The following BCAP29 variants were observed in gnomAD, a reference collection of about 807,000 sequenced individuals.
BCAP29 encodes the protein B cell receptor associated protein 29, also known as B-cell receptor-associated protein 29.
Under a neutral mutation model 31.8 loss-of-function variants are expected in BCAP29, and 34 were observed. That is an observed-to-expected ratio of 1.07 (90% CI 0.81 to 1.42). The LOEUF (loss-of-function observed/expected upper bound fraction) is 1.42, where lower values mean the gene tolerates loss of function less well. BCAP29 is among the 40% of genes most tolerant of loss of function. The pLI, the probability that BCAP29 is intolerant of heterozygous loss-of-function variation, is 0.00. For synonymous variants in BCAP29, 104 were observed against 91.3 expected, an observed-to-expected ratio of 1.14 and a Z score of -0.79; for missense variants, 314 against 269.2, an observed-to-expected ratio of 1.17 and a Z score of -1.16.
At chr7:107,613,467 T>A in intron 7 of BCAP29, 35 bp downstream of exon 7, 1 of 1,477,088 alleles carries the variant, frequency 6.8e-7, no homozygotes, top group Non-Finnish European at 9.4e-7. Flanking sequence ...ACCTAAATGT[T>A]TTGAAATAGT....
At position 107,618,497 on chromosome 7, in the gene BCAP29, T is replaced by C; in HGVS notation, c.*134T>C. ...TTTTAATGCCACACATAGGTTGTAT[T>C]GTAATGGCATTATCAAAATATTTGA... On this transcript the variant is annotated 3_prime_UTR_variant, in exon 8 of 8. Transcript: ENST00000005259. The C allele has an allele frequency of 6.2e-7, 1 of 1,612,174 alleles. No homozygotes were observed. The highest frequency in any genetic ancestry group is 8.5e-7 in the Non-Finnish European group (1 of 1,178,516).
chr7:107,618,158 C>T (rs1255246416), intron 7 of BCAP29, among the ~76,000 whole-genome samples, 170 bp from the exon 8 acceptor site: 2 of 152,052 alleles, frequency 1.3e-5, no homozygotes, highest in Non-Finnish European at 2.9e-5. Context: ...TAAGTAAAAA[C>T]CACAAATTTT....
Position 107,613,437 on chromosome 7 carries a change from G to T in BCAP29, c.690+5G>T. On this transcript the variant is annotated splice_donor_5th_base_variant and intron_variant, in intron 7 of 7. Transcript: ENST00000005259. ...AAAGAACACTCTGAACTTCAGGTGGGTGTGACATGCACTTTATGCACCTAA... is the reference window on the plus strand; with the variant it reads ...AAAGAACACTCTGAACTTCAGGTGGTTGTGACATGCACTTTATGCACCTAA... The T allele has an allele frequency of 2.5e-6, 4 of 1,587,124 alleles. No homozygotes were observed. The highest frequency in any genetic ancestry group is 3.5e-6 in the Non-Finnish European group (4 of 1,157,128).
intron 7 of BCAP29, among the ~76,000 whole-genome samples, chr7:107,617,480 A>AT (rs1452089595): frequency 6.6e-6 from 1 of 152,192 alleles, no homozygotes; most frequent in Non-Finnish European, 1.5e-5. Flanking sequence ...CTAAAAAAAA[A>AT]GAAAAACAGA....
intron 5 of BCAP29, among the ~76,000 whole-genome samples, chr7:107,599,459 G>A (rs1187458995): frequency 6.9e-6 from 1 of 145,726 alleles, no homozygotes; most frequent in Admixed American, 7.0e-5. Context: ...GGTCAGGGCT[G>A]AAGAGACTAT....
At chr7:107,611,017 T>C (rs1270241964) in intron 6 of BCAP29, among the ~76,000 whole-genome samples, 1 of 152,138 alleles carries the variant, frequency 6.6e-6, no homozygotes, top group African/African-American at 2.4e-5. Context: ...CCCAATAAAT[T>C]AGGCCTCTGA....
chr7:107,617,430 C>T (rs1452705786), intron 7 of BCAP29, among the ~76,000 whole-genome samples: 1 of 152,006 alleles, frequency 6.6e-6, no homozygotes, highest in African/African-American at 2.4e-5. Flanking sequence ...ACAGTCCCTT[C>T]AAAACATGTA....
At position 107,612,391 on chromosome 7, in the gene BCAP29, TTATATATATATATA is replaced by T. The variant is rs36213596; in HGVS notation, c.590-905_590-892del. Among the ~76,000 whole-genome samples, 191 of 30,868 alleles carry T rather than the reference TTATATATATATATA, an allele frequency of 6.2e-3. 3 individuals are homozygous for T. The highest frequency in any genetic ancestry group is 0.018 in the East Asian group (16 of 890). 20.3% of individuals were successfully genotyped at this position (30,868 alleles called of 152,430 possible). A position where few individuals can be genotyped will look rare whatever the true frequency, so the allele number is the denominator to read the frequency against. ...AGCACCTTCTTCACAATGTATTGTTTTATATATATATATATATATATATATATATATATATATAT... is the reference window on the plus strand; with the variant it reads ...AGCACCTTCTTCACAATGTATTGTTTTATATATATATATATATATATATAT... On this transcript the variant is annotated intron_variant, in intron 6 of 7. Coordinates refer to ENST00000005259, the MANE Select transcript of BCAP29 (RefSeq NM_018844.4).
chr7:107,622,136 A>AT, downstream of BCAP29: 1 of 381,320 alleles, frequency 2.6e-6, no homozygotes, highest in South Asian at 2.2e-5. Context: ...CATCTCTCAC[A>AT]TGGACTATGA....
chr7:107,615,533 T>C (rs946337084), intron 7 of BCAP29: 34 of 315,070 alleles, frequency 1.1e-4, no homozygotes, highest in Non-Finnish European at 1.9e-4. Context: ...GAGGCAGAGG[T>C]TGCAGTGAGC....
chr7:107,617,672 T>C (rs1814435259), intron 7 of BCAP29, among the ~76,000 whole-genome samples: 1 of 152,118 alleles, frequency 6.6e-6, no homozygotes, highest in Admixed American at 6.5e-5. Flanking sequence ...TCTACTCTTG[T>C]CTTTTTATTT....
intron 3 of BCAP29, among the ~76,000 whole-genome samples, chr7:107,588,432 A>G (rs572956294): frequency 3.7e-4 from 57 of 152,212 alleles, no homozygotes; most frequent in Non-Finnish European, 5.7e-4. Context: ...AATTAAAACA[A>G]TTTTGTTAAA....
At chr7:107,599,307 T>TG (rs1424676538) in intron 5 of BCAP29, among the ~76,000 whole-genome samples, 2 of 38,272 alleles carry the variant, frequency 5.2e-5, no homozygotes. Flanking sequence ...TATATATAAA[T>TG]TTTATATATA....
chr7:107,599,148 A>C (rs1810473788), intron 5 of BCAP29, among the ~76,000 whole-genome samples: 1 of 124,560 alleles, frequency 8.0e-6, no homozygotes, highest in Non-Finnish European at 1.6e-5. Flanking sequence ...TATGTATATA[A>C]ATATATATTT....
At chr7:107,621,092 C>G (rs944281444), downstream of BCAP29, 3 of 152,778 alleles carry the variant, frequency 2.0e-5, no homozygotes, top group Non-Finnish European at 2.9e-5. Flanking sequence ...CATTCCCATT[C>G]CAGTGTCCAC....
At chr7:107,613,248 G>A in intron 6 of BCAP29, 84 bp from the exon 7 acceptor site, 1 of 910,932 alleles carries the variant, frequency 1.1e-6, no homozygotes, top group South Asian at 1.7e-5. Flanking sequence ...AGACTATACA[G>A]GAGTTCTCTA....
chr7:107,592,844 T>A (rs1809128321), intron 3 of BCAP29, among the ~76,000 whole-genome samples: 4 of 152,206 alleles, frequency 2.6e-5, no homozygotes, highest in Admixed American at 2.6e-4. Context: ...GAGCAGATAG[T>A]ATATGATTCA....
At chr7:107,611,637 G>A (rs777439613) in intron 6 of BCAP29, among the ~76,000 whole-genome samples, 7 of 152,112 alleles carry the variant, frequency 4.6e-5, no homozygotes, top group East Asian at 3.9e-4. Context: ...GAAAACTAAC[G>A]TATAACTCTT....
chr7:107,618,102 A>T (rs1452480296), intron 7 of BCAP29, among the ~76,000 whole-genome samples: 3 of 152,178 alleles, frequency 2.0e-5, no homozygotes, highest in Admixed American at 6.5e-5. Context: ...AGCAAAATAG[A>T]TTAAGGCAAG....
Sources: allele counts gnomAD v4.1 joint callset (sites outside exome capture counted in the v4.1 genomes callset), GRCh38; gene constraint gnomAD v4.1.1; transcripts MANE v1.5; gene names NCBI Gene and HGNC (gene_info 2026-07-23, HGNC 2026-07-21).